Variants in TTC3 observed in about 807,000 individuals in gnomAD.
TTC3 encodes the protein tetratricopeptide repeat domain 3.
Under a neutral mutation model 249.6 loss-of-function variants are expected in TTC3, and 180 were observed. The ratio of observed to expected loss-of-function variants is 0.72; its 90% confidence interval spans 0.64 to 0.82. The LOEUF is 0.82. TTC3 is among the 40% of genes least tolerant of loss of function. The pLI is 0.00. For synonymous variants in TTC3, 717 were observed against 805.0 expected (o/e 0.89, Z 1.85); for missense variants, 2,061 against 2,398.4 (o/e 0.86, Z 2.94).
chr21:37,194,189 C>A (rs974179367), intron 41 of TTC3, among the ~76,000 whole-genome samples: 6 of 152,232 alleles, frequency 3.9e-5, no homozygotes, highest in Non-Finnish European at 1.5e-5. Flanking sequence ...AGCAGCAGAA[C>A]AGGAGTCCCT....
chr21:37,128,341 A>G (rs1449969389), intron 15 of TTC3, among the ~76,000 whole-genome samples: 1 of 152,232 alleles, frequency 6.6e-6, no homozygotes, highest in Non-Finnish European at 1.5e-5. Flanking sequence ...ATCTGGGCTC[A>G]CAGAGCTGGA....
At chr21:37,186,427 T>C (rs2083286672) in intron 37 of TTC3, among the ~76,000 whole-genome samples, 1 of 152,162 alleles carries the variant, frequency 6.6e-6, no homozygotes, top group Non-Finnish European at 1.5e-5. Flanking sequence ...TTTATAAAGC[T>C]TACTTTTTAA....
intron 20 of TTC3, among the ~76,000 whole-genome samples, chr21:37,142,759 T>C (rs1214668375): frequency 6.6e-6 from 1 of 152,132 alleles, no homozygotes; most frequent in Non-Finnish European, 1.5e-5. Context: ...AAAGTTCATA[T>C]GGAACCAAAA....
intron 1 of TTC3, among the ~76,000 whole-genome samples, chr21:37,075,893 GAA>G (rs2070780268): frequency 6.6e-6 from 1 of 151,936 alleles, no homozygotes; most frequent in Non-Finnish European, 1.5e-5. Context: ...TTCTTATGAT[GAA>G]TGTTTAAAAA....
exon 33 of TTC3, chr21:37,166,480 T>C (rs201036540): frequency 6.2e-7 from 1 of 1,614,216 alleles, no homozygotes; most frequent in Non-Finnish European, 8.5e-7. Context: ...GCAGCACAGG[T>C]GATGCTCATA....
intron 17 of TTC3, among the ~76,000 whole-genome samples, chr21:37,134,563 A>G (rs1034224241): frequency 6.6e-6 from 1 of 152,156 alleles, no homozygotes; most frequent in African/African-American, 2.4e-5. Context: ...ATGGTGAGGA[A>G]TACAACATAC....
At chr21:37,187,320 G>C (rs1026652123) in intron 38 of TTC3, among the ~76,000 whole-genome samples, 175 bp downstream of exon 38, 6 of 152,118 alleles carry the variant, frequency 3.9e-5, no homozygotes, top group African/African-American at 1.4e-4. Context: ...CTATAGCCTT[G>C]TAATGTTTTA....
chr21:37,150,592 C>T (rs775616470), intron 24 of TTC3, among the ~76,000 whole-genome samples: 1 of 152,138 alleles, frequency 6.6e-6, no homozygotes. Context: ...CGTCTGCTTA[C>T]TCTTAATTTT....
chr21:37,111,076 A>ACC (rs1253597912), intron 11 of TTC3, among the ~76,000 whole-genome samples: 1 of 152,152 alleles, frequency 6.6e-6, no homozygotes, highest in Non-Finnish European at 1.5e-5. Context: ...GAAAGGAACA[A>ACC]CCGGTACCAG....
At chr21:37,096,442 C>T (rs2073950375) in intron 9 of TTC3, 139 bp from the exon 10 acceptor site, 6 of 583,668 alleles carry the variant, frequency 1.0e-5, no homozygotes, top group East Asian at 3.0e-5. Context: ...AGTTAAGACT[C>T]CAGGTCCTAT....
chr21:37,196,483 C>G (rs964142536), intron 42 of TTC3, among the ~76,000 whole-genome samples: 1 of 152,110 alleles, frequency 6.6e-6, no homozygotes, highest in South Asian at 2.1e-4. Flanking sequence ...GTGATTCACC[C>G]GCCTTGGCCT....
intron 18 of TTC3, among the ~76,000 whole-genome samples, chr21:37,135,973 C>T (rs1326820341): frequency 6.6e-6 from 1 of 152,184 alleles, no homozygotes; most frequent in Non-Finnish European, 1.5e-5. Context: ...TGGTAATTCT[C>T]ACAATATGTC....
At chr21:37,095,135 A>ATGTGTGTGTGTG (rs201291680) in intron 8 of TTC3, among the ~76,000 whole-genome samples, 3 of 76,670 alleles carry the variant, frequency 3.9e-5, no homozygotes, top group Admixed American at 1.4e-4. Context: ...GTCTCTAAAA[A>ATGTGTGTGTGTG]TATGTGTGTG....
chr21:37,108,054 C>T (rs113155708), intron 10 of TTC3: 3,144 of 173,710 alleles, frequency 0.018, 102 homozygotes, highest in African/African-American at 0.071. Context: ...CACTGCACTC[C>T]AGCCTGGGCG....
chr21:37,194,897 G>A (rs2084685917), intron 41 of TTC3: 1 of 152,268 alleles, frequency 6.6e-6, no homozygotes, highest in African/African-American at 2.4e-5. Context: ...GCCTGTCCTG[G>A]ATGGGGCATG....
Position 37,150,279 on chromosome 21 carries a change from A to G in TTC3, c.2211+109A>G, listed in dbSNP as rs563824939. 7.7e-6 allele frequency: 6 copies of G among 776,790 alleles called. No individual in the cohort carries two copies. The South Asian group carries it at 9.8e-5, about 13-fold the overall frequency. 48.1% of individuals were successfully genotyped at this position (776,790 alleles called of 1,614,324 possible). ...ATGTAATTTGGATCTTTTCCAGGAA[A>G]GAAACAATTACTTCATTTAAGAAAA... On this transcript the variant is annotated intron_variant, in intron 24 of 45. Coordinates refer to ENST00000355666, the Ensembl canonical transcript of TTC3.
intron 34 of TTC3, among the ~76,000 whole-genome samples, chr21:37,171,463 G>A (rs994686218): frequency 6.6e-6 from 1 of 152,152 alleles, no homozygotes; most frequent in Non-Finnish European, 1.5e-5. Context: ...CAGAAGTATC[G>A]TGAAGTTTAA....
intron 12 of TTC3, among the ~76,000 whole-genome samples, 181 bp downstream of exon 12, chr21:37,122,160 A>C (rs1224692130): frequency 6.6e-6 from 1 of 152,030 alleles, no homozygotes; most frequent in East Asian, 1.9e-4. Flanking sequence ...GTTACATGTT[A>C]TCCATTAAGT....
intron 10 of TTC3, among the ~76,000 whole-genome samples, chr21:37,102,668 A>C (rs2074625972): frequency 1.3e-5 from 2 of 152,196 alleles, no homozygotes; most frequent in South Asian, 4.1e-4. Context: ...TGGGAACTTT[A>C]AGCCTGGAAG....
Sources: gnomAD v4.1 joint callset for allele counts (sites outside exome capture counted in the v4.1 genomes callset) on GRCh38, gnomAD v4.1.1 for gene constraint, MANE v1.5 for transcripts, NCBI Gene and HGNC (gene_info 2026-07-23, HGNC 2026-07-21) for gene names.